The following ZNF385D variants were observed in gnomAD, a reference collection of about 807,000 sequenced individuals.
The protein encoded by ZNF385D is zinc finger protein 659.
ZNF385D carries 15 observed loss-of-function variants against 35.8 expected under a neutral mutation model. The observed-to-expected ratio is 0.42, with a 90% confidence interval of 0.28 to 0.64. The LOEUF is 0.64. Among genes scored for constraint, ZNF385D ranks in the 30% least tolerant of loss-of-function variants. ZNF385D has a pLI of 0.23. For missense variants in ZNF385D, 474 were observed against 494.6 expected (o/e 0.96, Z 0.39); for synonymous variants, 212 against 186.8 (o/e 1.13, Z -1.10).
chr3:22,188,835 A>G (rs1337910019), intron 2 of ZNF385D, among the ~76,000 whole-genome samples: 1 of 152,062 alleles, frequency 6.6e-6, no homozygotes, highest in Non-Finnish European at 1.5e-5. Context: ...AAGCATTTCT[A>G]TTTCATTTCT....
chr3:22,064,801 G>A (rs763426635), intron 3 of ZNF385D, among the ~76,000 whole-genome samples: 2 of 152,182 alleles, frequency 1.3e-5, no homozygotes, highest in Non-Finnish European at 2.9e-5. Context: ...GTGGGAAAAG[G>A]GAGATGATGA....
intron 2 of ZNF385D, among the ~76,000 whole-genome samples, chr3:22,258,704 G>A (rs1280393907): frequency 6.6e-6 from 1 of 151,406 alleles, no homozygotes; most frequent in South Asian, 2.1e-4. Flanking sequence ...ATTGCTATTT[G>A]CCACATCAGA....
At chr3:21,881,871 A>G (rs894898588) in intron 3 of ZNF385D, among the ~76,000 whole-genome samples, 11 of 152,046 alleles carry the variant, frequency 7.2e-5, no homozygotes, top group African/African-American at 2.7e-4. Flanking sequence ...GCACTTCAAG[A>G]TTTCAGCAGA....
chr3:22,301,109 A>G (rs1039339233), intron 2 of ZNF385D, among the ~76,000 whole-genome samples: 2 of 152,100 alleles, frequency 1.3e-5, no homozygotes, highest in Admixed American at 6.6e-5. Context: ...CCTTAAGAAG[A>G]AGGAAATCCT....
intron 2 of ZNF385D, among the ~76,000 whole-genome samples, chr3:22,274,877 T>C (rs913879537): frequency 6.6e-6 from 1 of 151,822 alleles, no homozygotes; most frequent in Non-Finnish European, 1.5e-5. Context: ...ATAACAGGGA[T>C]AGCAACAATA....
intron 2 of ZNF385D, among the ~76,000 whole-genome samples, chr3:22,240,418 T>A (rs905194882): frequency 6.6e-6 from 1 of 150,976 alleles, no homozygotes; most frequent in Admixed American, 6.6e-5. Flanking sequence ...GTTAATTATT[T>A]TCTCATCAGC....
chr3:21,807,410 A>C (rs1049356677), intron 3 of ZNF385D, among the ~76,000 whole-genome samples: 2 of 152,306 alleles, frequency 1.3e-5, no homozygotes, highest in South Asian at 4.1e-4. Context: ...GGTGTAAACA[A>C]TTGCAATCAT....
At chr3:21,815,087 G>T (rs1476992224) in intron 3 of ZNF385D, among the ~76,000 whole-genome samples, 4 of 152,104 alleles carry the variant, frequency 2.6e-5, no homozygotes, top group African/African-American at 9.7e-5. Flanking sequence ...ATGGCTACTG[G>T]GTACGTAACG....
At chr3:21,839,089 A>G (rs1315313181) in intron 3 of ZNF385D, among the ~76,000 whole-genome samples, 1 of 152,098 alleles carries the variant, frequency 6.6e-6, no homozygotes, top group East Asian at 1.9e-4. Context: ...TGATTAACAT[A>G]ATTAACGATT....
chr3:22,239,942 C>G (rs1699396095), intron 2 of ZNF385D, among the ~76,000 whole-genome samples: 1 of 149,428 alleles, frequency 6.7e-6, no homozygotes, highest in Non-Finnish European at 1.5e-5. Context: ...TTTGGGAGAC[C>G]AAGACAGGTG....
At chr3:21,755,157 T>C (rs1029138427), upstream of ZNF385D, among the ~76,000 whole-genome samples, 2 of 152,228 alleles carry the variant, frequency 1.3e-5, no homozygotes, top group Admixed American at 6.5e-5. Context: ...GTGTCTTCCA[T>C]TGCCTCGCCC....
At chr3:21,759,834 T>A (rs879256356) in intron 3 of ZNF385D, among the ~76,000 whole-genome samples, 2 of 152,176 alleles carry the variant, frequency 1.3e-5, no homozygotes, top group African/African-American at 4.8e-5. Context: ...TCCAGTAAAT[T>A]TGGATGCTTT....
chr3:21,685,181 A>G (rs757118037), intron 1 of ZNF385D, among the ~76,000 whole-genome samples: 23 of 152,192 alleles, frequency 1.5e-4, no homozygotes, highest in Admixed American at 2.6e-4. Flanking sequence ...TGTCTCAGCA[A>G]GAGAGAAATA....
intron 3 of ZNF385D, among the ~76,000 whole-genome samples, chr3:22,075,104 C>G (rs961990050): frequency 6.6e-6 from 1 of 151,866 alleles, no homozygotes; most frequent in African/African-American, 2.4e-5. Context: ...TTTTGATTAG[C>G]TGGTATGGGA....
chr3:21,939,683 A>G lies in ZNF385D; in HGVS notation c.325+229134T>C, dbSNP rs116014578. Among the ~76,000 whole-genome samples the G allele has an allele frequency of 3.3e-3, 504 of 152,296 alleles. 2 individuals carry two copies. The highest frequency in any genetic ancestry group is 0.012 in the African/African-American group (479 of 41,566). ...AAAATTATATTAGAAATGTCTTAAAACAATTTGTGATGAGTTCAATAACTG... is the reference window on the plus strand; with the variant it reads ...AAAATTATATTAGAAATGTCTTAAAGCAATTTGTGATGAGTTCAATAACTG... On this transcript the variant is annotated intron_variant, in intron 3 of 5. Transcript: ENST00000494108.
At chr3:22,242,402 G>A (rs560374312) in intron 2 of ZNF385D, among the ~76,000 whole-genome samples, 8 of 150,766 alleles carry the variant, frequency 5.3e-5, no homozygotes, top group African/African-American at 2.0e-4. Flanking sequence ...TTAACCAAAC[G>A]ATCAAGGTTA....
At chr3:21,896,159 C>A (rs930991658) in intron 3 of ZNF385D, among the ~76,000 whole-genome samples, 2 of 152,054 alleles carry the variant, frequency 1.3e-5, no homozygotes, top group Non-Finnish European at 2.9e-5. Context: ...TATGTTTCCA[C>A]TGGCAAGAAT....
rs114934126 is a variant in ZNF385D, at chr3:21,989,853, G to A, written c.325+178964C>T. ...GCTGTGCCACTTTCACATGTCTGTT[G>A]ATGGTATATGTCAAGCCGTTGAGTG... On this transcript the variant is annotated intron_variant, in intron 3 of 5. Transcript: ENST00000494108. Among the ~76,000 whole-genome samples the A allele has an allele frequency of 9.3e-3, 1,414 of 152,256 alleles. 26 individuals carry two copies. Among genetic ancestry groups the A allele is most frequent in the African/African-American group, 0.031 (1,294 of 41,526 alleles).
At chr3:22,362,894 C>T (rs1206362997) in intron 2 of ZNF385D, among the ~76,000 whole-genome samples, 1 of 151,974 alleles carries the variant, frequency 6.6e-6, no homozygotes, top group Non-Finnish European at 1.5e-5. Flanking sequence ...TTTGGGGGCC[C>T]CTACTTTGTT....
Sources: allele counts gnomAD v4.1 joint callset (sites outside exome capture counted in the v4.1 genomes callset), GRCh38; gene constraint gnomAD v4.1.1; transcripts MANE v1.5; gene names NCBI Gene and HGNC (gene_info 2026-07-23, HGNC 2026-07-21).